COL22A1: variants seen among roughly 807,000 people sequenced by gnomAD.
The protein encoded by COL22A1 is collagen type XXII alpha 1 chain.
Under a neutral mutation model 248.9 loss-of-function variants are expected in COL22A1, and 221 were observed. The observed-to-expected ratio is 0.89, with a 90% CI of 0.80 to 0.99. COL22A1 has a LOEUF of 0.99. Among genes scored for constraint, COL22A1 ranks in the 50% least tolerant of loss-of-function variants. COL22A1 has a pLI of 0.00. For missense variants in COL22A1, 2,240 were observed against 2,179.0 expected, an observed-to-expected ratio of 1.03 and a Z score of -0.56; for synonymous variants, 891 against 793.4, an observed-to-expected ratio of 1.12 and a Z score of -2.07.
chr8:138,757,037 GCACACACGTGCA>G (rs1165475024), intron 18 of COL22A1, among the ~76,000 whole-genome samples: 7 of 152,144 alleles, frequency 4.6e-5, no homozygotes, highest in Non-Finnish European at 8.8e-5. Flanking sequence ...CAGTACCCCT[GCACACACGTGCA>G]CACACACGAG....
At chr8:138,823,967 C>T (rs554804356) in intron 6 of COL22A1, among the ~76,000 whole-genome samples, 5 of 152,280 alleles carry the variant, frequency 3.3e-5, no homozygotes, top group East Asian at 1.9e-4. Flanking sequence ...GGATCAGCTA[C>T]GTATTCAACA....
At chr8:138,667,898 G>A (rs1025493845) in intron 41 of COL22A1, among the ~76,000 whole-genome samples, 1 of 151,814 alleles carries the variant, frequency 6.6e-6, no homozygotes, top group Non-Finnish European at 1.5e-5. Context: ...ATCAGATCAA[G>A]CCTCTAGGTC....
chr8:138,759,207 G>A (rs76725584), intron 18 of COL22A1, among the ~76,000 whole-genome samples: 3,946 of 152,194 alleles, frequency 0.026, 170 homozygotes, highest in African/African-American at 0.09. Context: ...GTGTCAGCCC[G>A]TACTATTTAT....
intron 64 of COL22A1, 115 bp from the exon 65 acceptor site, chr8:138,589,555 C>T: frequency 3.7e-6 from 3 of 803,586 alleles, no homozygotes; most frequent in Non-Finnish European, 5.5e-6. Context: ...CGTCCTCAGA[C>T]AGAGCATCCC....
intron 8 of COL22A1, among the ~76,000 whole-genome samples, chr8:138,812,364 C>T (rs939603642): frequency 4.6e-5 from 7 of 152,144 alleles, no homozygotes; most frequent in Non-Finnish European, 5.9e-5. Flanking sequence ...CCAGGCATTG[C>T]GTGGATCTCA....
intron 3 of COL22A1, among the ~76,000 whole-genome samples, chr8:138,873,008 G>A (rs1444685953): frequency 6.6e-6 from 1 of 152,182 alleles, no homozygotes. Context: ...CACCAGGTAT[G>A]AGCCACATCT....
At chr8:138,826,589 G>A (rs1180967755) in intron 6 of COL22A1, 69 bp downstream of exon 6, 18 of 1,525,526 alleles carry the variant, frequency 1.2e-5, no homozygotes, top group Non-Finnish European at 1.5e-5. Context: ...CATGGTGGGT[G>A]GTGCCATCCA....
chr8:138,724,817 G>A (rs1393998891), intron 24 of COL22A1, 149 bp from the exon 25 acceptor site: 10 of 718,004 alleles, frequency 1.4e-5, no homozygotes, highest in African/African-American at 8.8e-5. Flanking sequence ...GCTGTGAAAC[G>A]CGGAGTTGTT....
chr8:138,591,516 A>T lies in COL22A1; in HGVS notation c.4616-15T>A, dbSNP rs765525199. 3 of 1,525,596 alleles carry T rather than the reference A, an allele frequency of 2.0e-6. No individual in the cohort carries two copies. The Admixed American group carries it at 6.0e-5, about 31-fold the overall frequency. 94.5% of individuals were successfully genotyped at this position (1,525,596 alleles called of 1,614,324 possible). A position where few individuals can be genotyped will look rare whatever the true frequency, so the allele number is the denominator to read the frequency against. Reference sequence around the variant, plus strand: ...TCCTCGCTCACCTGGGAAGAAAAACATGCACTTTTGATGGTGGAGACCCCC... The same window carrying T: ...TCCTCGCTCACCTGGGAAGAAAAACTTGCACTTTTGATGGTGGAGACCCCC... On this transcript the variant is annotated splice_polypyrimidine_tract_variant and intron_variant, in intron 63 of 64. Coordinates refer to ENST00000303045, the MANE Select transcript of COL22A1 (RefSeq NM_152888.3).
chr8:138,646,396 C>T (rs1695477224), intron 47 of COL22A1, among the ~76,000 whole-genome samples: 1 of 152,182 alleles, frequency 6.6e-6, no homozygotes, highest in South Asian at 2.1e-4. Context: ...TTCTTCCATG[C>T]ATTTCATACT....
At chr8:138,616,838 G>T in intron 54 of COL22A1, 76 bp downstream of exon 54, 1 of 1,551,412 alleles carries the variant, frequency 6.4e-7, no homozygotes, top group Non-Finnish European at 8.9e-7. Flanking sequence ...TGGCCTGCAG[G>T]CTGCAAGTAT....
At chr8:138,626,986 C>T (rs1820297517) in intron 50 of COL22A1, among the ~76,000 whole-genome samples, 2 of 152,154 alleles carry the variant, frequency 1.3e-5, no homozygotes, top group African/African-American at 4.8e-5. Context: ...TTTATAATCT[C>T]CTACAAGTGC....
At chr8:138,832,235 C>T (rs181165827) in intron 5 of COL22A1, among the ~76,000 whole-genome samples, 8 of 152,266 alleles carry the variant, frequency 5.3e-5, no homozygotes, top group African/African-American at 1.9e-4. Flanking sequence ...GTCAGCAGCC[C>T]TTGGGGCTGC....
In COL22A1 at chr8:138,737,556, G is replaced by T. The variant is rs10111520; in HGVS notation, c.2107C>A (p.Pro703Thr). ...CCCAGCAATCCAGGGATTCCAGGTG[G>T]TCCCATGTCACCTTTCTTCCCCTGA... ...GLRGKKGDMGPPGIPGLLGLQ... is the reference protein window; with the variant it reads ...GLRGKKGDMGTPGIPGLLGLQ... Residue 703 changes from proline (P) to threonine (T), a missense_variant, in exon 23 of 65, where the codon CCA becomes ACA. Transcript: ENST00000303045. 96,369 of 1,609,092 alleles carry T rather than the reference G, an allele frequency of 0.06. 3,152 individuals are homozygous for T. Among genetic ancestry groups the T allele is most frequent in the Admixed American group, 0.11 (6,396 of 59,936 alleles).
At chr8:138,654,335 C>T (rs554930701) in intron 45 of COL22A1, among the ~76,000 whole-genome samples, 10 of 152,200 alleles carry the variant, frequency 6.6e-5, no homozygotes, top group Middle Eastern at 3.4e-3. Context: ...AAATAACTAC[C>T]GCACTTGTCA....
chr8:138,807,070 G>A (rs889402915), intron 10 of COL22A1, among the ~76,000 whole-genome samples: 4 of 152,078 alleles, frequency 2.6e-5, no homozygotes, highest in African/African-American at 9.7e-5. Context: ...CAGAGTGGAA[G>A]GAAAGAGAGA....
At chr8:138,872,851 T>TC (rs1240712262) in intron 3 of COL22A1, among the ~76,000 whole-genome samples, 1 of 152,218 alleles carries the variant, frequency 6.6e-6, no homozygotes, top group African/African-American at 2.4e-5. Context: ...CTGAAATGCG[T>TC]CTGTAATAAC....
rs184640742 is a variant in COL22A1, at chr8:138,704,066, G to A, written c.2518-719C>T. On this transcript the variant is annotated intron_variant, in intron 30 of 64. Coordinates refer to ENST00000303045, the MANE Select transcript of COL22A1 (RefSeq NM_152888.3). ...TGAGATCAAACTGCAAGGTGGCAGC[G>A]AGGCTGGGGGAGGGGCGCCCGCCAT... is the stretch of plus-strand genomic sequence containing the variant. Among the ~76,000 whole-genome samples the A allele has an allele frequency of 7.2e-4, 109 of 152,344 alleles. No individual in the cohort carries two copies. The East Asian group carries it at 0.012, about 16-fold the overall frequency.
chr8:138,913,278 T>C (rs940856697), intron 1 of COL22A1, among the ~76,000 whole-genome samples: 1 of 152,062 alleles, frequency 6.6e-6, no homozygotes, highest in Non-Finnish European at 1.5e-5. Context: ...TAAAGTATTA[T>C]AGCAATCTGA....
Sources: gnomAD v4.1 joint callset for allele counts (sites outside exome capture counted in the v4.1 genomes callset) on GRCh38, gnomAD v4.1.1 for gene constraint, MANE v1.5 for transcripts, NCBI Gene and HGNC (gene_info 2026-07-23, HGNC 2026-07-21) for gene names.